Variants in MECOM observed in about 807,000 individuals in gnomAD.
MECOM encodes histone-lysine N-methyltransferase MECOM.
In MECOM, 13 loss-of-function variants were observed where a neutral mutation model predicts 116.3. The observed-to-expected ratio is 0.11, with a 90% CI of 0.07 to 0.18. MECOM has a LOEUF of 0.18. MECOM is among the 10% of genes least tolerant of loss of function. The pLI, the probability that MECOM is intolerant of heterozygous loss-of-function variation, is 1.00. For missense variants in MECOM, 1,299 were observed against 1,509.0 expected, an observed-to-expected ratio of 0.86 and a Z score of 2.31; for synonymous variants, 528 against 535.2, an observed-to-expected ratio of 0.99 and a Z score of 0.19.
At chr3:169,473,986 A>G (rs1226645373) in intron 1 of MECOM, among the ~76,000 whole-genome samples, 1 of 152,192 alleles carries the variant, frequency 6.6e-6, no homozygotes, top group East Asian at 1.9e-4. Flanking sequence ...CCCTTTTCCT[A>G]TGAGCACGAC....
intron 1 of MECOM, among the ~76,000 whole-genome samples, chr3:169,421,548 GTCT>G (rs1435959709): frequency 2.0e-5 from 3 of 151,970 alleles, no homozygotes; most frequent in African/African-American, 7.3e-5. Context: ...TCTTAACACT[GTCT>G]TCTTCTTGCT....
At chr3:169,234,531 A>T (rs1023920192) in intron 2 of MECOM, among the ~76,000 whole-genome samples, 1 of 152,180 alleles carries the variant, frequency 6.6e-6, no homozygotes, top group Non-Finnish European at 1.5e-5. Flanking sequence ...GGAAAGGAAT[A>T]GCCATGTATT....
chr3:169,206,138 G>A (rs566975200), intron 2 of MECOM, among the ~76,000 whole-genome samples: 3 of 152,186 alleles, frequency 2.0e-5, no homozygotes, highest in African/African-American at 7.2e-5. Flanking sequence ...AGAATATCTT[G>A]TCCAGGAATC....
intron 1 of MECOM, among the ~76,000 whole-genome samples, chr3:169,385,842 G>A (rs940614620): frequency 1.3e-5 from 2 of 152,118 alleles, no homozygotes; most frequent in Non-Finnish European, 1.5e-5. Flanking sequence ...GATTGGGCAC[G>A]TTTACAATAG....
chr3:169,515,061 G>A (rs1237272605), intron 1 of MECOM, among the ~76,000 whole-genome samples: 1 of 152,152 alleles, frequency 6.6e-6, no homozygotes, highest in Non-Finnish European at 1.5e-5. Context: ...AACTGAGAGA[G>A]CAGTTGCCTT....
At chr3:169,191,886 T>C (rs1432357145) in intron 2 of MECOM, among the ~76,000 whole-genome samples, 1 of 152,004 alleles carries the variant, frequency 6.6e-6, no homozygotes, top group Non-Finnish European at 1.5e-5. Flanking sequence ...TTTTGTACAC[T>C]GCAGATATAT....
At chr3:169,661,646 A>G (rs753561718) in intron 1 of MECOM, among the ~76,000 whole-genome samples, 4 of 152,160 alleles carry the variant, frequency 2.6e-5, no homozygotes, top group African/African-American at 9.7e-5. Context: ...GGATGACAGC[A>G]TCTCGCGGGG....
rs776402461 is a variant in MECOM, at chr3:169,381,515, C to T, written c.47G>A (p.Cys16Tyr). The T allele has an allele frequency of 1.3e-5, 20 of 1,588,946 alleles. No individual in the cohort carries two copies. The highest frequency in any genetic ancestry group is 1.6e-5 in the Non-Finnish European group (19 of 1,167,324). Residue 16 changes from cysteine to tyrosine, a missense_variant, in exon 2 of 17, where the codon TGT (cysteine) becomes TAT (tyrosine). Coordinates refer to ENST00000651503, the MANE Select transcript of MECOM (RefSeq NM_004991.4). ...RARKLATNNE[C>Y]VYGNYPEIPL... is the part of the protein sequence containing the mutation. ...TATTTCAGGGTAGTTGCCATATACA[C>T]ACTCATTATCTGTGAATAAATAAGA...
intron 1 of MECOM, among the ~76,000 whole-genome samples, chr3:169,462,491 T>C (rs1250339188): frequency 6.6e-6 from 1 of 152,218 alleles, no homozygotes; most frequent in Non-Finnish European, 1.5e-5. Context: ...CATTAATCTT[T>C]AGTGTATACT....
intron 2 of MECOM, chr3:169,269,299 G>A (rs1267491197): frequency 6.6e-6 from 1 of 151,690 alleles, no homozygotes; most frequent in Non-Finnish European, 1.5e-5. Context: ...AGCGTGCTAA[G>A]TTTCTAACTC....
chr3:169,538,470 C>A (rs1759657663), intron 1 of MECOM, among the ~76,000 whole-genome samples: 1 of 152,162 alleles, frequency 6.6e-6, no homozygotes, highest in Non-Finnish European at 1.5e-5. Flanking sequence ...TAAGTGAAAG[C>A]AAGTGACTAC....
At chr3:169,269,499 C>G in intron 2 of MECOM, among the ~76,000 whole-genome samples, 1 of 152,130 alleles carries the variant, frequency 6.6e-6, no homozygotes, top group East Asian at 1.9e-4. Flanking sequence ...GCAATGAACT[C>G]AAAACGCACT....
At chr3:169,330,968 T>C (rs761156492) in intron 2 of MECOM, among the ~76,000 whole-genome samples, 1 of 152,094 alleles carries the variant, frequency 6.6e-6, no homozygotes, top group Non-Finnish European at 1.5e-5. Context: ...CCTATATATT[T>C]ACAGCTAAAG....
At chr3:169,601,776 C>T (rs1038199214) in intron 1 of MECOM, among the ~76,000 whole-genome samples, 6 of 152,132 alleles carry the variant, frequency 3.9e-5, no homozygotes, top group Non-Finnish European at 7.4e-5. Flanking sequence ...GCAAAAGACA[C>T]AAGTAACACT....
intron 2 of MECOM, among the ~76,000 whole-genome samples, chr3:169,245,833 G>C (rs951442630): frequency 2.6e-5 from 4 of 152,054 alleles, no homozygotes; most frequent in African/African-American, 9.7e-5. Context: ...TAAAAAAGTC[G>C]CTATTCATTA....
intron 2 of MECOM, among the ~76,000 whole-genome samples, chr3:169,180,489 T>A (rs374232175): frequency 6.6e-6 from 1 of 152,076 alleles, no homozygotes; most frequent in Non-Finnish European, 1.5e-5. Context: ...ATATACCTGA[T>A]AAGAAATGAT....
intron 1 of MECOM, among the ~76,000 whole-genome samples, chr3:169,541,441 C>T (rs1760044993): frequency 6.6e-6 from 1 of 152,246 alleles, no homozygotes; most frequent in Non-Finnish European, 1.5e-5. Flanking sequence ...CCACCCTTAG[C>T]TCTCCAGATC....
intron 1 of MECOM, among the ~76,000 whole-genome samples, chr3:169,403,079 G>C (rs980878188): frequency 6.6e-6 from 1 of 152,206 alleles, no homozygotes; most frequent in East Asian, 1.9e-4. Flanking sequence ...AACTCATTCA[G>C]TGCATATGCA....
At chr3:169,630,288 C>A (rs73174392) in intron 1 of MECOM, among the ~76,000 whole-genome samples, 7,245 of 152,106 alleles carry the variant, frequency 0.048, 237 homozygotes, top group Non-Finnish European at 0.069. Context: ...GATAAACAGG[C>A]TCAGGGTTTT....
Sources: gnomAD v4.1 joint callset for allele counts (sites outside exome capture counted in the v4.1 genomes callset) on GRCh38, gnomAD v4.1.1 for gene constraint, MANE v1.5 for transcripts, NCBI Gene and HGNC (gene_info 2026-07-23, HGNC 2026-07-21) for gene names.